The following INTS1 variants were observed in gnomAD, a reference collection of about 807,000 sequenced individuals.
INTS1 encodes integrator complex subunit 1.
In INTS1, 137 loss-of-function variants were observed where a neutral mutation model predicts 241.6. That is an observed-to-expected ratio of 0.57 (90% CI 0.49 to 0.65). INTS1 has a LOEUF of 0.65. INTS1 is among the 30% of genes least tolerant of loss of function. The probability of loss-of-function intolerance (pLI) is 0.00; values close to 1 mark genes in which losing one functional copy is unlikely to be tolerated. For synonymous variants in INTS1, 1,692 were observed against 1,337.8 expected (o/e 1.26, Z -5.78); for missense variants, 3,073 against 3,032.2 (o/e 1.01, Z -0.32).
rs1167169032 is a variant in INTS1 at position 1,471,219 on chromosome 7, G to A, written c.6261C>T (p.Asn2087=). The change falls in exon 46 of 48, where the codon AAC becomes AAT. Residue 2087 remains asparagine (N), a synonymous_variant. Transcript: ENST00000404767. ...RPEILSFFST[N]LQRLMSSAEE... Reference sequence around the variant, plus strand: ...CGGCCGAGCTCATCAGCCGCTGCAGGTTGGTCTGACCGGGGGAAAGGTGGG... The same window carrying A: ...CGGCCGAGCTCATCAGCCGCTGCAGATTGGTCTGACCGGGGGAAAGGTGGG... 5.1e-6 allele frequency: 8 copies of A among 1,576,822 alleles called. No homozygotes were observed. The African/African-American group carries it at 9.5e-5, about 19-fold the overall frequency.
rs754911378 is a variant in INTS1, at chr7:1,498,589, ACGCCTGTGCCCCCACTC to A, written c.1284-53_1284-37del. 4,173 of 1,608,884 alleles carry A rather than the reference ACGCCTGTGCCCCCACTC, an allele frequency of 2.6e-3. 87 individuals are homozygous for A. In the African/African-American group the frequency reaches 0.048, roughly 18 times the overall value. ...TGAGGGTACAGACCCTGTCCCCGCT[ACGCCTGTGCCCCCACTC>A]CGCCTGTGCCCCCACTCCGCCCGCA... is the stretch of plus-strand genomic sequence containing the variant. On this transcript the variant is annotated intron_variant, in intron 9 of 47. Coordinates refer to ENST00000404767, the MANE Select transcript of INTS1 (RefSeq NM_001080453.3).
At chr7:1,491,543 G>C (rs756597724) in intron 16 of INTS1, among the ~76,000 whole-genome samples, 2 of 152,232 alleles carry the variant, frequency 1.3e-5, no homozygotes, top group East Asian at 3.8e-4. Flanking sequence ...TAGTTTCTTA[G>C]ACATGACACA....
chr7:1,501,634 G>C (rs573953209), intron 3 of INTS1, among the ~76,000 whole-genome samples: 1 of 152,284 alleles, frequency 6.6e-6, no homozygotes, highest in South Asian at 2.1e-4. Context: ...CCGAGCCGCC[G>C]GCGGCCGAGA....
In INTS1 at chr7:1,498,570, TAC is replaced by T. The variant is rs201880890; in HGVS notation, c.1284-19_1284-18del. 5.6e-4 allele frequency: 900 copies of T among 1,612,878 alleles called. 5 individuals carry two copies. In the African/African-American group the frequency reaches 8.7e-3, roughly 16 times the overall value. Reference sequence around the variant, plus strand: ...AGCAGCTCCCTGGGTGAGGTGAGGGTACAGACCCTGTCCCCGCTACGCCTGTG... The same window carrying T: ...AGCAGCTCCCTGGGTGAGGTGAGGGTAGACCCTGTCCCCGCTACGCCTGTG... On this transcript the variant is annotated intron_variant, in intron 9 of 47. Coordinates refer to ENST00000404767, the MANE Select transcript of INTS1 (RefSeq NM_001080453.3).
chr7:1,481,430 G>T lies in INTS1; in HGVS notation c.3762C>A (p.Pro1254=). 6.2e-7 allele frequency: 1 copy of T among 1,612,682 alleles called. No individual in the cohort carries two copies. The highest frequency in any genetic ancestry group is 8.5e-7 in the Non-Finnish European group (1 of 1,179,640). The change falls in exon 28 of 48, where the codon CCC becomes CCA. Residue 1254 remains proline (P), a synonymous_variant. Coordinates refer to ENST00000404767, the MANE Select transcript of INTS1 (RefSeq NM_001080453.3). This position sits in a 1 kb window ranked among gnomAD's most constrained non-coding sequence, Gnocchi z 6.8. ...GGAGGAGTTTGCTCATGCTGGACACGGGGATGCCAAACGACTGCACGAACA... is the reference window on the plus strand; with the variant it reads ...GGAGGAGTTTGCTCATGCTGGACACTGGGATGCCAAACGACTGCACGAACA... ...LLLFVQSFGI[P]VSSMSKLLQF...
intron 3 of INTS1, chr7:1,500,974 T>C (rs938946978): frequency 2.0e-5 from 3 of 152,296 alleles, no homozygotes; most frequent in East Asian, 1.9e-4. Flanking sequence ...AACAGTTTTT[T>C]AGGACTGTGT....
Position 1,485,162 on chromosome 7 carries a change from T to C in INTS1, c.3197A>G (p.Tyr1066Cys). 1.2e-6 allele frequency: 2 copies of C among 1,600,778 alleles called. No individual in the cohort carries two copies. Among genetic ancestry groups the C allele is most frequent in the Admixed American group, 1.7e-5 (1 of 59,994 alleles). ...CGTGTGCTGGGACAAGTAGATCAGG[T>C]AGGCGCTGATGGTCTGGGGATCAGT... ...METDPQTISAYLIYLSQHTPV... is the reference protein window; with the variant it reads ...METDPQTISACLIYLSQHTPV... Residue 1066 changes from tyrosine to cysteine, a missense_variant, in exon 24 of 48, where the codon TAC (tyrosine) becomes TGC (cysteine). Physicochemically the swap from Tyr to Cys is radical, Grantham distance 194. Coordinates refer to ENST00000404767, the MANE Select transcript of INTS1 (RefSeq NM_001080453.3).
At chr7:1,490,638 T>C (rs1444803531) in intron 16 of INTS1, among the ~76,000 whole-genome samples, 1 of 152,172 alleles carries the variant, frequency 6.6e-6, no homozygotes, top group Non-Finnish European at 1.5e-5. Context: ...CTCACTGACA[T>C]GGTGGCACTC....
chr7:1,478,762 C>A lies in INTS1; in HGVS notation c.4453G>T (p.Ala1485Ser). ...CTGCGCCCGGCTGAGGCCTGGCTGG[C>A]AAGCATCCTGAGCTGTGCCCGCAGG... ...GPLRAQLRML[A>S]SQASAGRRLS... Residue 1485 changes from alanine to serine, a missense_variant, in exon 32 of 48, where the codon GCC becomes TCC. Transcript: ENST00000404767. 2 of 1,596,950 alleles carry A rather than the reference C, an allele frequency of 1.3e-6. No individual in the cohort carries two copies. The highest frequency in any genetic ancestry group is 1.3e-5 in the African/African-American group (1 of 74,618).
chr7:1,490,333 G>A (rs1031332431), intron 16 of INTS1, among the ~76,000 whole-genome samples: 1 of 152,024 alleles, frequency 6.6e-6, no homozygotes, highest in Non-Finnish European at 1.5e-5. Context: ...AAGGGTGTCA[G>A]CTCTGCATAA....
chr7:1,499,427 C>G, intron 6 of INTS1, 46 bp downstream of exon 6: 2 of 1,563,026 alleles, frequency 1.3e-6, no homozygotes, highest in Non-Finnish European at 1.7e-6. Context: ...CCTCCCCTGC[C>G]CTGGGGCTTG....
At chr7:1,479,773 GC>G in intron 30 of INTS1, 89 bp from the exon 31 acceptor site, 1 of 1,330,876 alleles carries the variant, frequency 7.5e-7, no homozygotes, top group Non-Finnish European at 9.9e-7. Flanking sequence ...GCAGCTCCGT[GC>G]CAGAACCGCG....
rs771885519 is a variant in INTS1 at position 1,499,048 on chromosome 7, G to A, written c.1064C>T (p.Thr355Ile). ...NVSRNLLRLLTSTCGYKEVRL... is the reference protein window; with the variant it reads ...NVSRNLLRLLISTCGYKEVRL... ...CACCTCCTTATAGCCGCAGGTGGAG[G>A]TGAGGAGCCGCAGGAGGTTCCTGGA... is the stretch of plus-strand genomic sequence containing the variant. Residue 355 changes from threonine to isoleucine, a missense_variant, in exon 8 of 48, where the codon ACC (threonine) becomes ATC (isoleucine). Transcript: ENST00000404767. The A allele has an allele frequency of 1.4e-5, 22 of 1,592,264 alleles. No individual in the cohort carries two copies. The highest frequency in any genetic ancestry group is 1.7e-5 in the Non-Finnish European group (20 of 1,170,828).
At chr7:1,498,935 C>A (rs1162345679) in intron 8 of INTS1, 40 bp downstream of exon 8, 15 of 1,453,178 alleles carry the variant, frequency 1.0e-5, no homozygotes, top group African/African-American at 2.9e-5. Flanking sequence ...AGCCTGCCCC[C>A]ACCCCCTGCC....
chr7:1,501,285 A>C (rs985623609), intron 3 of INTS1: 3 of 100,970 alleles, frequency 3.0e-5, no homozygotes, highest in Non-Finnish European at 5.5e-5. Flanking sequence ...ACTCTGTCTC[A>C]AAAAAAAATA....
At chr7:1,480,185 G>T in intron 30 of INTS1, 132 bp downstream of exon 30, 1 of 1,068,212 alleles carries the variant, frequency 9.4e-7, no homozygotes, top group Non-Finnish European at 1.3e-6. Flanking sequence ...TGTAAAGGCC[G>T]CTGTGCGTGT....
At chr7:1,494,778 G>A in intron 14 of INTS1, 38 bp downstream of exon 14, 10 of 1,544,670 alleles carry the variant, frequency 6.5e-6, no homozygotes, top group Non-Finnish European at 8.7e-6. Context: ...GCCCCGCCCA[G>A]CCCGGCACAC....
At chr7:1,474,042 C>T in intron 41 of INTS1, 126 bp downstream of exon 41, 1 of 1,114,730 alleles carries the variant, frequency 9.0e-7, no homozygotes, top group Non-Finnish European at 1.2e-6. Flanking sequence ...GTCCCCAGGG[C>T]AGGTGGCCTG....
intron 8 of INTS1, 32 bp downstream of exon 8, chr7:1,498,943 G>GCGCCCCCCCCCCCCCC: frequency 9.3e-7 from 1 of 1,070,746 alleles, no homozygotes; most frequent in Non-Finnish European, 1.3e-6. Context: ...CCCACCCCCT[G>GCGCCCCCCCCCCCCCC]CCCCGCCCAC....
Sources: gnomAD v4.1 joint callset for allele counts (sites outside exome capture counted in the v4.1 genomes callset) on GRCh38, gnomAD v4.1.1 for gene constraint, Gnocchi (gnomAD v3.1) non-coding constraint, MANE v1.5 for transcripts, NCBI Gene and HGNC (gene_info 2026-07-23, HGNC 2026-07-21) for gene names.